Variants in DDX24 observed in about 807,000 individuals in gnomAD.
DDX24 encodes ATP-dependent RNA helicase DDX24.
Under a neutral mutation model 68.9 loss-of-function variants are expected in DDX24, and 24 were observed. The observed-to-expected ratio is 0.35, with a 90% CI of 0.25 to 0.49. The LOEUF (loss-of-function observed/expected upper bound fraction) is 0.49, where lower values mean the gene tolerates loss of function less well. DDX24 is among the 20% of genes least tolerant of loss of function. The probability of loss-of-function intolerance (pLI) is 0.99; values close to 1 mark genes in which losing one functional copy is unlikely to be tolerated. For missense variants in DDX24, 989 were observed against 1,039.0 expected, an observed-to-expected ratio of 0.95 and a Z score of 0.66; for synonymous variants, 395 against 385.2, an observed-to-expected ratio of 1.03 and a Z score of -0.30.
chr14:94,066,236 C>A (rs1028633395), intron 2 of DDX24, among the ~76,000 whole-genome samples: 1 of 152,078 alleles, frequency 6.6e-6, no homozygotes, highest in African/African-American at 2.4e-5. Flanking sequence ...CCCCCATTTC[C>A]CTGACAACCT....
At position 94,051,433 on chromosome 14, in the gene DDX24, G is replaced by T. The variant is rs751546083; in HGVS notation, c.2338C>A (p.Arg780=). Residue 780 remains arginine, a synonymous_variant, in exon 9 of 9, where the codon CGG becomes AGG. Transcript: ENST00000621632. ...GGKADQQEER[R]RQKQMKVLKK... ...AGAACCTTCATCTGCTTTTGTCTCCGACGTTCTTCTTGCTGGTCAGCTTTT... is the reference window on the plus strand; with the variant it reads ...AGAACCTTCATCTGCTTTTGTCTCCTACGTTCTTCTTGCTGGTCAGCTTTT... 6 of 1,570,678 alleles carry T rather than the reference G, an allele frequency of 3.8e-6. No individual in the cohort carries two copies. The highest frequency in any genetic ancestry group is 5.2e-6 in the Non-Finnish European group (6 of 1,160,586).
chr14:94,079,275 T>C lies in DDX24; in HGVS notation c.468A>G (p.Lys156=). The C allele has an allele frequency of 1.2e-6, 2 of 1,614,112 alleles. No homozygotes were observed. The highest frequency in any genetic ancestry group is 1.7e-6 in the Non-Finnish European group (2 of 1,180,030). ...NLVQTAPKKK[K]NKGKKGLEPS... is the part of the protein sequence containing the mutation. ...GCTCCAACCCTTTTTTCCCTTTATT[T>C]TTCTTCTTTTTTGGAGCAGTTTGGA... The change falls in exon 2 of 9, where the codon AAA becomes AAG. Residue 156 remains lysine (K), a synonymous_variant. Transcript: ENST00000621632.
At chr14:94,080,857 G>C (rs1886070361) in intron 1 of DDX24, among the ~76,000 whole-genome samples, 1 of 152,168 alleles carries the variant, frequency 6.6e-6, no homozygotes, top group Non-Finnish European at 1.5e-5. Flanking sequence ...CGGCCCTCTC[G>C]CTTTGTCTCA....
chr14:94,073,679 C>T (rs1431652905), intron 2 of DDX24, among the ~76,000 whole-genome samples: 1 of 152,020 alleles, frequency 6.6e-6, no homozygotes, highest in African/African-American at 2.4e-5. Context: ...AACATGTATT[C>T]ACATAAACTG....
chr14:94,080,814 G>C (rs1364041773), intron 1 of DDX24, among the ~76,000 whole-genome samples: 1 of 152,200 alleles, frequency 6.6e-6, no homozygotes, highest in Non-Finnish European at 1.5e-5. Context: ...CAGAGTAGAA[G>C]GGCCTCTGTC....
intron 2 of DDX24, among the ~76,000 whole-genome samples, chr14:94,076,410 C>T (rs1372065905): frequency 6.6e-6 from 1 of 152,086 alleles, no homozygotes; most frequent in Non-Finnish European, 1.5e-5. Context: ...AGGCCGGGGA[C>T]AGTGGCTCAC....
chr14:94,054,339 T>C (rs1449922845), intron 7 of DDX24, among the ~76,000 whole-genome samples: 2 of 152,202 alleles, frequency 1.3e-5, no homozygotes, highest in African/African-American at 4.8e-5. Flanking sequence ...TTCCTTGAAC[T>C]GTGCCATGGT....
intron 5 of DDX24, 30 bp from the exon 6 acceptor site, chr14:94,057,927 A>G (rs1567058055): frequency 1.9e-6 from 3 of 1,600,802 alleles, no homozygotes; most frequent in Admixed American, 1.7e-5. Flanking sequence ...CTTATTAATA[A>G]TAACTAACAG....
At chr14:94,058,237 T>C (rs1280478138) in intron 5 of DDX24, among the ~76,000 whole-genome samples, 1 of 151,920 alleles carries the variant, frequency 6.6e-6, no homozygotes, top group Non-Finnish European at 1.5e-5. Context: ...ATTTACTTCC[T>C]CCCAGTGGCA....
At chr14:94,076,800 A>C (rs1885950449) in intron 2 of DDX24, among the ~76,000 whole-genome samples, 1 of 152,192 alleles carries the variant, frequency 6.6e-6, no homozygotes, top group Admixed American at 6.5e-5. Context: ...CAACAAAAAA[A>C]ACCCAGGGTA....
chr14:94,053,687 G>A (rs1391801527), intron 7 of DDX24, among the ~76,000 whole-genome samples: 2 of 152,114 alleles, frequency 1.3e-5, no homozygotes, highest in East Asian at 3.9e-4. Context: ...GGTGGCGCAT[G>A]CCTGTAATCC....
intron 2 of DDX24, among the ~76,000 whole-genome samples, chr14:94,077,843 A>G (rs1248796990): frequency 6.7e-6 from 1 of 148,872 alleles, no homozygotes; most frequent in Non-Finnish European, 1.5e-5. Flanking sequence ...CTGCAAGTTT[A>G]AAACACACCA....
At chr14:94,071,383 T>C (rs1885824835) in intron 2 of DDX24, among the ~76,000 whole-genome samples, 1 of 152,208 alleles carries the variant, frequency 6.6e-6, no homozygotes, top group African/African-American at 2.4e-5. Flanking sequence ...GCACGGTTGC[T>C]CATGCCTGTA....
At position 94,079,166 on chromosome 14, in the gene DDX24, C is replaced by T. The variant is rs546857248; in HGVS notation, c.577G>A (p.Ala193Thr). The change falls in exon 2 of 9, where the codon GCT (alanine) becomes ACT (threonine). Residue 193 changes from alanine to threonine, a missense_variant. This residue lies in a region of DDX24 where 295 missense variants were observed against 263.0 expected (regional missense o/e 1.12). Transcript: ENST00000621632. ...EVHDQKADVS[A>T]WKDLFVPRPV... ...CTGGGAACAAACAGGTCCTTCCAAGCTGACACATCTGCTTTCTGATCATGA... is the reference window on the plus strand; with the variant it reads ...CTGGGAACAAACAGGTCCTTCCAAGTTGACACATCTGCTTTCTGATCATGA... The T allele has an allele frequency of 1.2e-6, 2 of 1,614,130 alleles. No homozygotes were observed. The highest frequency in any genetic ancestry group is 1.7e-6 in the Non-Finnish European group (2 of 1,180,056).
intron 7 of DDX24, among the ~76,000 whole-genome samples, chr14:94,053,533 AG>A (rs957077523): frequency 2.0e-5 from 3 of 151,436 alleles, no homozygotes; most frequent in Non-Finnish European, 2.9e-5. Flanking sequence ...AAAGCTCTTG[AG>A]CCGGGCATGG....
At chr14:94,074,823 G>C (rs1477395942) in intron 2 of DDX24, among the ~76,000 whole-genome samples, 4 of 152,082 alleles carry the variant, frequency 2.6e-5, no homozygotes, top group Admixed American at 2.6e-4. Flanking sequence ...CTAAGTTGCA[G>C]GACACAAGAT....
rs1885368300 is a variant in DDX24 at position 94,050,532 on chromosome 14, C to T, written c.*659G>A. The T allele has an allele frequency of 3.3e-5, 5 of 152,320 alleles. No homozygotes were observed. Among genetic ancestry groups the T allele is most frequent in the Admixed American group, 3.3e-4 (5 of 15,288 alleles). 9.4% of individuals were successfully genotyped at this position (152,320 alleles called of 1,614,324 possible). A position where few individuals can be genotyped will look rare whatever the true frequency, so the allele number is the denominator to read the frequency against. ...GGAGGGAGTGGAGACAAGGCTGGGG[C>T]TAGATCCTGAGGGCTTCACACGCCA... On this transcript the variant is annotated 3_prime_UTR_variant, in exon 9 of 9. Transcript: ENST00000621632.
rs749549690 is a variant in DDX24, at chr14:94,053,016, C to G, written c.2290G>C (p.Glu764Gln). The G allele has an allele frequency of 6.2e-7, 1 of 1,613,910 alleles. No individual in the cohort carries two copies. The highest frequency in any genetic ancestry group is 2.2e-5 in the East Asian group (1 of 44,878). ...QAAAALEIEL[E>Q]EDMYKGGKAD... ...GGCTTACCCTTATACATGTCTTCTT[C>G]CAGCTCAATCTCCAGGGCAGCTGCT... Residue 764 changes from glutamate (E) to glutamine (Q), a missense_variant, in exon 8 of 9, where the codon GAA becomes CAA. Glu to Gln is a conservative substitution (Grantham distance 29, BLOSUM62 2). Around this residue, in one of 3 missense-constraint regions of DDX24, gnomAD observed 691 missense variants for 760.0 expected, o/e 0.91. Coordinates refer to ENST00000621632, the MANE Select transcript of DDX24 (RefSeq NM_020414.4).
rs1415325463 is a variant in DDX24 at position 94,062,375 on chromosome 14, C to T, written c.965G>A (p.Gly322Glu). The change falls in exon 3 of 9, where the codon GGA (glycine) becomes GAA (glutamate). Residue 322 changes from glycine (G) to glutamate (E), a missense_variant. Physicochemically the swap from Gly to Glu is moderately conservative, Grantham distance 98. Around this residue, in one of 3 missense-constraint regions of DDX24, gnomAD observed 691 missense variants for 760.0 expected, o/e 0.91. Transcript: ENST00000621632. Reference protein sequence around the residue: ...DIAAEARAKTGGTVSDQALLF... With the variant: ...DIAAEARAKTEGTVSDQALLF... Reference sequence around the variant, plus strand: ...CAACGCCTGGTCTGAGACAGTGCCTCCAGTCTTGGCTCTGGCCTCGGCTGC... The same window carrying T: ...CAACGCCTGGTCTGAGACAGTGCCTTCAGTCTTGGCTCTGGCCTCGGCTGC... 2.5e-6 allele frequency: 4 copies of T among 1,614,100 alleles called. No individual in the cohort carries two copies. Among genetic ancestry groups the T allele is most frequent in the African/African-American group, 2.7e-5 (2 of 74,916 alleles).
Sources: gnomAD v4.1 joint callset for allele counts (sites outside exome capture counted in the v4.1 genomes callset) on GRCh38, gnomAD v4.1.1 for gene constraint, gnomAD v4.1.1 regional missense constraint, MANE v1.5 for transcripts, NCBI Gene and HGNC (gene_info 2026-07-23, HGNC 2026-07-21) for gene names.